The following NLN variants were observed in gnomAD, a reference collection of about 807,000 sequenced individuals.
NLN encodes neurolysin, mitochondrial.
NLN carries 64 observed loss-of-function variants against 79.9 expected under a neutral mutation model. The ratio of observed to expected loss-of-function variants is 0.80; its 90% CI spans 0.65 to 0.99. The LOEUF (loss-of-function observed/expected upper bound fraction) is 0.99, where lower values mean the gene tolerates loss of function less well. NLN is among the 50% of genes least tolerant of loss of function. The pLI, the probability that NLN is intolerant of heterozygous loss-of-function variation, is 0.00. For missense variants in NLN, 835 were observed against 858.7 expected (o/e 0.97, Z 0.34); for synonymous variants, 267 against 296.6 (o/e 0.90, Z 1.02).
chr5:65,806,943 G>A (rs755434874), intron 9 of NLN, among the ~76,000 whole-genome samples: 7 of 152,244 alleles, frequency 4.6e-5, no homozygotes, highest in Non-Finnish European at 7.4e-5. Context: ...CTGGGAGGCC[G>A]AGGTGGGTGG....
Position 65,822,874 on chromosome 5 carries a change from C to G in NLN, c.2074C>G (p.Gln692Glu). ...CAATTTCTTGAAACGTGAGCCAAACCAAAAAGCGTTCCTAATGAGTAGAGG... is the reference window on the plus strand; with the variant it reads ...CAATTTCTTGAAACGTGAGCCAAACGAAAAAGCGTTCCTAATGAGTAGAGG... Reference protein sequence around the residue: ...LHNFLKREPNQKAFLMSRGLH... With the variant: ...LHNFLKREPNEKAFLMSRGLH... Residue 692 changes from glutamine (Q) to glutamate (E), a missense_variant, in exon 13 of 13, where the codon CAA becomes GAA. Gln to Glu is a conservative substitution (Grantham distance 29). Coordinates refer to ENST00000380985, the MANE Select transcript of NLN (RefSeq NM_020726.5). 6 of 1,613,106 alleles carry G rather than the reference C, an allele frequency of 3.7e-6. No homozygotes were observed. The highest frequency in any genetic ancestry group is 4.2e-6 in the Non-Finnish European group (5 of 1,179,192).
Position 65,786,126 on chromosome 5 carries a change from T to A in NLN, c.958+216T>A, listed in dbSNP as rs1643368259. On this transcript the variant is annotated intron_variant, in intron 7 of 12. Coordinates refer to ENST00000380985, the MANE Select transcript of NLN (RefSeq NM_020726.5). ...AGGCCTGGCTTCACTGTATCTTATATCTTCTTTAGGCTTTTTATACTAATT... is the reference window on the plus strand; with the variant it reads ...AGGCCTGGCTTCACTGTATCTTATAACTTCTTTAGGCTTTTTATACTAATT... 3 of 391,236 alleles carry A rather than the reference T, an allele frequency of 7.7e-6. No homozygotes were observed. In the South Asian group the frequency reaches 2.5e-4, roughly 32 times the overall value. The allele number at this position is 391,236 out of a possible 1,614,324, so 24.2% of individuals were successfully genotyped here. A position where few individuals can be genotyped will look rare whatever the true frequency, so the allele number is the denominator to read the frequency against.
intron 1 of NLN, among the ~76,000 whole-genome samples, chr5:65,737,018 T>C (rs1181744707): frequency 6.6e-6 from 1 of 152,160 alleles, no homozygotes; most frequent in African/African-American, 2.4e-5. Flanking sequence ...GGTGGGAGGA[T>C]TGCTTGATCC....
At chr5:65,800,893 A>G (rs751216907) in intron 9 of NLN, among the ~76,000 whole-genome samples, 4 of 151,428 alleles carry the variant, frequency 2.6e-5, no homozygotes, top group Admixed American at 6.6e-5. Flanking sequence ...GGGTTTCACA[A>G]TGTTGCCCAG....
intron 9 of NLN, chr5:65,793,675 A>T (rs1289040183): frequency 6.6e-6 from 1 of 152,132 alleles, no homozygotes; most frequent in African/African-American, 2.4e-5. Context: ...ATAGTAACAG[A>T]AATGAAGGTA....
At chr5:65,822,703 C>T in intron 12 of NLN, 78 bp from the exon 13 acceptor site, 3 of 1,067,478 alleles carry the variant, frequency 2.8e-6, no homozygotes, top group Non-Finnish European at 4.4e-6. Flanking sequence ...TCACCCCTAC[C>T]CTCTCCTCTT....
intron 3 of NLN, among the ~76,000 whole-genome samples, chr5:65,774,599 C>T (rs2150753865): frequency 6.6e-6 from 1 of 152,128 alleles, no homozygotes; most frequent in East Asian, 1.9e-4. Context: ...GGGGATTTCC[C>T]AAGACCTGTG....
rs762295477 is a variant in NLN, at chr5:65,822,884, T to C, written c.2084T>C (p.Phe695Ser). The C allele has an allele frequency of 4.3e-6, 7 of 1,613,672 alleles. No individual in the cohort carries two copies. In the South Asian group the frequency reaches 7.7e-5, roughly 18 times the overall value. The change falls in exon 13 of 13, where the codon TTC becomes TCC. Residue 695 changes from phenylalanine (F) to serine (S), a missense_variant. By Grantham distance (155) the Phe-to-Ser change is radical. Transcript: ENST00000380985. ...AAACGTGAGCCAAACCAAAAAGCGTTCCTAATGAGTAGAGGCCTGCATGCT... is the reference window on the plus strand; with the variant it reads ...AAACGTGAGCCAAACCAAAAAGCGTCCCTAATGAGTAGAGGCCTGCATGCT... Reference protein sequence around the residue: ...FLKREPNQKAFLMSRGLHAP With the variant: ...FLKREPNQKASLMSRGLHAP
At chr5:65,734,633 C>CCCATA (rs1758687824) in intron 1 of NLN, among the ~76,000 whole-genome samples, 1 of 151,880 alleles carries the variant, frequency 6.6e-6, no homozygotes, top group Admixed American at 6.6e-5. Context: ...CCTCATATTT[C>CCCATA]CCAGCCATAT....
At chr5:65,723,596 C>T (rs1363593393) in intron 1 of NLN, among the ~76,000 whole-genome samples, 1 of 151,894 alleles carries the variant, frequency 6.6e-6, no homozygotes, top group African/African-American at 2.4e-5. Flanking sequence ...GGGTGGATCA[C>T]GAGGTCAGGA....
intron 3 of NLN, among the ~76,000 whole-genome samples, chr5:65,767,436 G>T (rs948508305): frequency 6.6e-6 from 1 of 152,234 alleles, no homozygotes; most frequent in African/African-American, 2.4e-5. Flanking sequence ...CTGGGATGCA[G>T]GGCACTATGT....
In NLN at chr5:65,824,975, C is replaced by G. The variant is rs1213396572; in HGVS notation, c.*2060C>G. The G allele has an allele frequency of 6.6e-6, 1 of 152,328 alleles. No individual in the cohort carries two copies. Among genetic ancestry groups the G allele is most frequent in the African/African-American group, 2.4e-5 (1 of 41,406 alleles). The allele number at this position is 152,328 out of a possible 1,614,324, so 9.4% of individuals were successfully genotyped here. On this transcript the variant is annotated 3_prime_UTR_variant, in exon 13 of 13. Coordinates refer to ENST00000380985, the MANE Select transcript of NLN (RefSeq NM_020726.5). ...AAAAAGCTGGGCATGATGTTGGGTT[C>G]CTGTAGTCCCAGCTACTTAGGAGGC...
chr5:65,815,745 T>C (rs1445563227), intron 12 of NLN, among the ~76,000 whole-genome samples: 7 of 152,228 alleles, frequency 4.6e-5, no homozygotes, highest in Middle Eastern at 3.4e-3. Flanking sequence ...ATATACTATT[T>C]GGGGTTTTTT....
intron 9 of NLN, among the ~76,000 whole-genome samples, chr5:65,800,509 A>C (rs2150768725): frequency 6.6e-6 from 1 of 152,128 alleles, no homozygotes; most frequent in East Asian, 1.9e-4. Context: ...CCCCATCTCT[A>C]CTAAAAATAC....
Position 65,809,545 on chromosome 5 carries a change from G to A in NLN, c.1558G>A (p.Val520Met), listed in dbSNP as rs763794414. 1.2e-6 allele frequency: 2 copies of A among 1,607,604 alleles called. No individual in the cohort carries two copies. Among genetic ancestry groups the A allele is most frequent in the Non-Finnish European group, 8.5e-7 (1 of 1,178,392 alleles). ...TTTTGCACGATTTAGCGGAACAAAT[G>A]TGGAAACTGACTTTGTAGAGGTGCC... ...TDFARFSGTNVETDFVEVPSQ... is the reference protein window; with the variant it reads ...TDFARFSGTNMETDFVEVPSQ... The change falls in exon 10 of 13, where the codon GTG (valine) becomes ATG (methionine). Residue 520 changes from valine (V) to methionine (M), a missense_variant. Coordinates refer to ENST00000380985, the MANE Select transcript of NLN (RefSeq NM_020726.5).
At chr5:65,802,301 G>T (rs13356436) in intron 9 of NLN, among the ~76,000 whole-genome samples, 27,727 of 152,286 alleles carry the variant, frequency 0.18, 3,232 homozygotes, top group African/African-American at 0.33. Context: ...GGCTATGGCG[G>T]TGCAAGCAGC....
chr5:65,766,735 A>G (rs1015734771), intron 3 of NLN, among the ~76,000 whole-genome samples: 2 of 152,238 alleles, frequency 1.3e-5, no homozygotes, highest in Non-Finnish European at 2.9e-5. Context: ...TCTGCCTATG[A>G]GTCTGTAAAA....
intron 11 of NLN, 72 bp downstream of exon 11, chr5:65,810,237 A>T (rs2150774067): frequency 1.5e-6 from 2 of 1,338,098 alleles, no homozygotes; most frequent in East Asian, 2.4e-5. Context: ...TGCAGGGGAG[A>T]TGGAGTTTGT....
chr5:65,820,306 G>T (rs947943202), intron 12 of NLN, among the ~76,000 whole-genome samples: 2 of 152,186 alleles, frequency 1.3e-5, no homozygotes, highest in Non-Finnish European at 2.9e-5. Flanking sequence ...AATTTCTGCA[G>T]ACGAAATATT....
Sources: allele counts gnomAD v4.1 joint callset (sites outside exome capture counted in the v4.1 genomes callset), GRCh38; gene constraint gnomAD v4.1.1; transcripts MANE v1.5; gene names NCBI Gene and HGNC (gene_info 2026-07-23, HGNC 2026-07-21).